Variants in FRMD4B observed in about 807,000 individuals in gnomAD.
FRMD4B encodes the protein FERM domain-containing protein 4B.
In FRMD4B, 74 loss-of-function variants were observed where a neutral mutation model predicts 141.5. The ratio of observed to expected loss-of-function variants is 0.52; its 90% CI spans 0.43 to 0.63. The LOEUF is 0.63. Ranked by LOEUF, FRMD4B falls within the 30% of genes least tolerant of loss-of-function variation. The pLI, the probability that FRMD4B is intolerant of heterozygous loss-of-function variation, is 0.00. For missense variants in FRMD4B, 1,366 were observed against 1,253.4 expected (o/e 1.09, Z -1.36); for synonymous variants, 506 against 467.9 (o/e 1.08, Z -1.05).
chr3:69,536,636 T>A, intron 1 of FRMD4B: 1 of 1,013,656 alleles, frequency 9.9e-7, no homozygotes. Context: ...ACCTGGATGA[T>A]CCTGCTGTGG....
chr3:69,217,263 C>G (rs928902843), intron 10 of FRMD4B, among the ~76,000 whole-genome samples: 5 of 152,122 alleles, frequency 3.3e-5, no homozygotes, highest in Non-Finnish European at 7.3e-5. Flanking sequence ...TATACTGACA[C>G]AGGAAAAGGA....
At chr3:69,312,898 A>T (rs922761675) in intron 2 of FRMD4B, among the ~76,000 whole-genome samples, 28 of 152,272 alleles carry the variant, frequency 1.8e-4, no homozygotes, top group East Asian at 1.5e-3. Context: ...GAAAAAAAAA[A>T]ATATATCTAT....
Position 69,182,598 on chromosome 3 carries a change from T to A in FRMD4B, c.2039A>T (p.Glu680Val). Residue 680 changes from glutamate to valine, a missense_variant and splice_region_variant, in exon 20 of 23, where the codon GAA becomes GTA. Glu to Val is a moderately radical substitution (Grantham distance 121). Coordinates refer to ENST00000398540, the MANE Select transcript of FRMD4B (RefSeq NM_015123.3). ...TRNAYSSSHLEPESSSQHCRQ... is the reference protein window; with the variant it reads ...TRNAYSSSHLVPESSSQHCRQ... ...AGCAATGAGAAAGAAGCTCTCTTACTCCAAGTGGCTGCTGCTGTAGGCGTT... is the reference window on the plus strand; with the variant it reads ...AGCAATGAGAAAGAAGCTCTCTTACACCAAGTGGCTGCTGCTGTAGGCGTT... 2 of 1,607,888 alleles carry A rather than the reference T, an allele frequency of 1.2e-6. No individual in the cohort carries two copies. The highest frequency in any genetic ancestry group is 1.7e-6 in the Non-Finnish European group (2 of 1,178,320).
intron 5 of FRMD4B, among the ~76,000 whole-genome samples, chr3:69,283,348 C>T (rs985366858): frequency 6.7e-6 from 1 of 149,950 alleles, no homozygotes; most frequent in African/African-American, 2.5e-5. Flanking sequence ...TGCACCATTG[C>T]ACTCCAGCCT....
chr3:69,428,769 A>C (rs1212937612), intron 2 of FRMD4B, among the ~76,000 whole-genome samples: 1 of 152,146 alleles, frequency 6.6e-6, no homozygotes, highest in Non-Finnish European at 1.5e-5. Flanking sequence ...ATTGTTGTGC[A>C]ACCATCACTC....
intron 1 of FRMD4B, among the ~76,000 whole-genome samples, chr3:69,348,719 A>G (rs1005316290): frequency 6.6e-6 from 1 of 152,190 alleles, no homozygotes; most frequent in Non-Finnish European, 1.5e-5. Flanking sequence ...TATAAACAGA[A>G]CCAAAGACAA....
intron 1 of FRMD4B, among the ~76,000 whole-genome samples, chr3:69,379,471 G>A (rs1300269887): frequency 2.0e-5 from 3 of 152,100 alleles, no homozygotes; most frequent in Non-Finnish European, 4.4e-5. Context: ...TACAGGTGGG[G>A]TTTCGCCATG....
At chr3:69,206,210 C>T (rs553738435) in intron 11 of FRMD4B, among the ~76,000 whole-genome samples, 1 of 151,946 alleles carries the variant, frequency 6.6e-6, no homozygotes, top group African/African-American at 2.4e-5. Context: ...ATTAGCCAGG[C>T]GTGGTGACAT....
intron 1 of FRMD4B, among the ~76,000 whole-genome samples, chr3:69,520,931 G>C (rs1700845652): frequency 6.6e-6 from 1 of 152,174 alleles, no homozygotes; most frequent in Non-Finnish European, 1.5e-5. Context: ...CAGGTCTCTA[G>C]TACTCTAAAT....
chr3:69,208,315 C>T (rs1313125994), intron 11 of FRMD4B, among the ~76,000 whole-genome samples: 12 of 152,086 alleles, frequency 7.9e-5, no homozygotes, highest in Admixed American at 6.6e-5. Flanking sequence ...CTACCCACCT[C>T]GGCCTCCCAA....
chr3:69,230,895 A>G (rs886697155), intron 7 of FRMD4B, among the ~76,000 whole-genome samples: 2 of 152,252 alleles, frequency 1.3e-5, no homozygotes, highest in African/African-American at 4.8e-5. Context: ...ACACATCATG[A>G]ATGTCACACA....
chr3:69,486,817 T>C (rs1035388381), intron 1 of FRMD4B, among the ~76,000 whole-genome samples: 5 of 152,158 alleles, frequency 3.3e-5, no homozygotes, highest in African/African-American at 1.2e-4. Context: ...TAAGAAGCAA[T>C]GTTTGCTCAT....
chr3:69,414,388 G>A (rs148345234), intron 2 of FRMD4B, among the ~76,000 whole-genome samples: 4 of 152,284 alleles, frequency 2.6e-5, no homozygotes, highest in East Asian at 1.9e-4. Flanking sequence ...GCTTCCCCTC[G>A]CTTTTTACAA....
At chr3:69,455,255 C>G (rs930642310) in intron 1 of FRMD4B, among the ~76,000 whole-genome samples, 1 of 152,178 alleles carries the variant, frequency 6.6e-6, no homozygotes, top group Non-Finnish European at 1.5e-5. Flanking sequence ...AGCAGGCTGC[C>G]AGAGGCCACA....
chr3:69,284,243 G>A (rs2093657243), intron 5 of FRMD4B, among the ~76,000 whole-genome samples: 2 of 152,174 alleles, frequency 1.3e-5, no homozygotes, highest in Admixed American at 6.5e-5. Context: ...GCTGCGAAGA[G>A]AGAGAACCCC....
Position 69,195,120 on chromosome 3 carries a change from T to G in FRMD4B, c.1390A>C (p.Lys464Gln), listed in dbSNP as rs752785437. 7 of 1,613,890 alleles carry G rather than the reference T, an allele frequency of 4.3e-6. No individual in the cohort carries two copies. In the African/African-American group the frequency reaches 6.7e-5, roughly 15 times the overall value. The change falls in exon 16 of 23, where the codon AAG (lysine) becomes CAG (glutamine). Residue 464 changes from lysine (K) to glutamine (Q), a missense_variant. Transcript: ENST00000398540. ...REAELTGKMPKEYPLNIGEKP... is the reference protein window; with the variant it reads ...REAELTGKMPQEYPLNIGEKP... ...TCGCCTATGTTCAGGGGATACTCCT[T>G]TGGCATTTTGCCTGTGAGCTCCTGT...
At chr3:69,448,947 A>G (rs1705449680) in intron 1 of FRMD4B, among the ~76,000 whole-genome samples, 1 of 152,186 alleles carries the variant, frequency 6.6e-6, no homozygotes, top group Admixed American at 6.5e-5. Flanking sequence ...CAAAGAAGGA[A>G]AAGGCTTTGC....
chr3:69,389,218 G>C (rs1704332104), upstream of FRMD4B, among the ~76,000 whole-genome samples: 1 of 151,968 alleles, frequency 6.6e-6, no homozygotes, highest in Non-Finnish European at 1.5e-5. Flanking sequence ...ATTTTTACTA[G>C]AGATGGGGTT....
intron 7 of FRMD4B, among the ~76,000 whole-genome samples, chr3:69,240,880 T>C (rs1220063860): frequency 1.3e-5 from 2 of 152,204 alleles, no homozygotes; most frequent in Admixed American, 1.3e-4. Flanking sequence ...AGACTCTGGA[T>C]GGTTTGCACT....
Sources: allele counts gnomAD v4.1 joint callset (sites outside exome capture counted in the v4.1 genomes callset), GRCh38; gene constraint gnomAD v4.1.1; transcripts MANE v1.5; gene names NCBI Gene and HGNC (gene_info 2026-07-23, HGNC 2026-07-21).